SYCP1: variants seen among roughly 807,000 people sequenced by gnomAD.
SYCP1 encodes synaptonemal complex protein 1, also known as cancer/testis antigen 8.
A neutral mutation model predicts 153.1 loss-of-function variants in SYCP1; 64 were observed. That is an observed-to-expected ratio of 0.42 (90% confidence interval 0.34 to 0.51). The LOEUF (loss-of-function observed/expected upper bound fraction) is 0.51. Ranked by LOEUF, SYCP1 falls within the 20% of genes least tolerant of loss-of-function variation. The pLI is 0.06. For missense variants in SYCP1, 997 were observed against 1,049.0 expected (o/e 0.95, Z 0.68); for synonymous variants, 384 against 341.8 (o/e 1.12, Z -1.36).
At chr1:114,979,185 T>G (rs965232879) in intron 28 of SYCP1, among the ~76,000 whole-genome samples, 1 of 151,526 alleles carries the variant, frequency 6.6e-6, no homozygotes, top group Non-Finnish European at 1.5e-5. Flanking sequence ...AACATAAGGC[T>G]TGTTAAATTT....
At chr1:114,860,703 T>A (rs748009605) in intron 7 of SYCP1, 33 bp from the exon 8 acceptor site, 6 of 1,499,204 alleles carry the variant, frequency 4.0e-6, no homozygotes, top group Non-Finnish European at 5.5e-6. Context: ...TGAGATCAGA[T>A]TACACACAGG....
chr1:114,892,684 C>G (rs1666799175), intron 15 of SYCP1, among the ~76,000 whole-genome samples: 1 of 152,052 alleles, frequency 6.6e-6, no homozygotes, highest in Admixed American at 6.6e-5. Context: ...GAGCGGGAGC[C>G]TTTTCCTGGC....
chr1:114,864,529 C>T (rs1056899182), intron 8 of SYCP1, among the ~76,000 whole-genome samples: 4 of 151,956 alleles, frequency 2.6e-5, no homozygotes, highest in African/African-American at 9.7e-5. Flanking sequence ...CACACTGTTG[C>T]CCAGGCTGGA....
chr1:114,909,416 T>G (rs1354773515), intron 16 of SYCP1, among the ~76,000 whole-genome samples: 1 of 151,446 alleles, frequency 6.6e-6, no homozygotes, highest in African/African-American at 2.4e-5. Flanking sequence ...GTTAAAATCC[T>G]TAGGTTATAT....
chr1:114,946,412 C>A, intron 26 of SYCP1, 31 bp downstream of exon 26: 1 of 1,378,802 alleles, frequency 7.3e-7, no homozygotes, highest in East Asian at 2.6e-5. Flanking sequence ...CAGTAACGGC[C>A]AGTTTTCATA....
chr1:114,994,030 A>G (rs1285678692), intron 30 of SYCP1, among the ~76,000 whole-genome samples: 3 of 150,782 alleles, frequency 2.0e-5, no homozygotes, highest in Non-Finnish European at 3.0e-5. Context: ...AGGTTTATCT[A>G]TGTTGTAGCA....
chr1:114,857,173 A>AG, intron 3 of SYCP1, 59 bp from the exon 4 acceptor site: 2 of 1,337,142 alleles, frequency 1.5e-6, no homozygotes, highest in Non-Finnish European at 2.0e-6. Flanking sequence ...AAAAGAAAAA[A>AG]AAAAAGAAAG....
At chr1:114,884,142 A>G (rs1005716169) in intron 12 of SYCP1, among the ~76,000 whole-genome samples, 1 of 152,244 alleles carries the variant, frequency 6.6e-6, no homozygotes, top group Admixed American at 6.5e-5. Context: ...TTCATGAATT[A>G]TGAACCAGAA....
At chr1:114,912,874 A>G (rs1277117739) in intron 18 of SYCP1, among the ~76,000 whole-genome samples, 159 bp from the exon 19 acceptor site, 1 of 152,022 alleles carries the variant, frequency 6.6e-6, no homozygotes, top group African/African-American at 2.4e-5. Context: ...TGATCAACCT[A>G]TCACCCAGCT....
chr1:114,963,698 T>A (rs1671922844), intron 27 of SYCP1, among the ~76,000 whole-genome samples: 1 of 152,234 alleles, frequency 6.6e-6, no homozygotes, highest in African/African-American at 2.4e-5. Flanking sequence ...GTAAAGGACA[T>A]GAACTAATTC....
chr1:114,939,503 T>C (rs1670248341), intron 23 of SYCP1, among the ~76,000 whole-genome samples: 1 of 152,198 alleles, frequency 6.6e-6, no homozygotes, highest in African/African-American at 2.4e-5. Context: ...CATGGATGAA[T>C]CTTGTAATAT....
At chr1:114,961,156 G>T (rs535216907) in intron 27 of SYCP1, among the ~76,000 whole-genome samples, 2 of 152,064 alleles carry the variant, frequency 1.3e-5, no homozygotes, top group African/African-American at 4.8e-5. Flanking sequence ...GTTCATAGTA[G>T]CCTTGATCTT....
chr1:114,934,146 A>C (rs1669823431), intron 23 of SYCP1, among the ~76,000 whole-genome samples: 1 of 152,204 alleles, frequency 6.6e-6, no homozygotes, highest in Non-Finnish European at 1.5e-5. Context: ...AAAAAATGTT[A>C]AGGGCAGCCA....
chr1:114,986,809 G>A (rs1030902709), intron 30 of SYCP1, among the ~76,000 whole-genome samples: 3 of 152,098 alleles, frequency 2.0e-5, no homozygotes, highest in Middle Eastern at 3.4e-3. Context: ...TTATAAGTAT[G>A]CAGTCTTATT....
chr1:114,861,250 CT>C (rs1344803422), intron 8 of SYCP1, among the ~76,000 whole-genome samples: 1 of 152,002 alleles, frequency 6.6e-6, no homozygotes, highest in Non-Finnish European at 1.5e-5. Flanking sequence ...AAGAAAAATT[CT>C]TTTAAAATAT....
chr1:114,944,962 G>A lies in SYCP1; in HGVS notation c.2134G>A (p.Ala712Thr), dbSNP rs573412489. The A allele has an allele frequency of 1.3e-6, 2 of 1,584,200 alleles. No individual in the cohort carries two copies. The highest frequency in any genetic ancestry group is 1.9e-5 in the Admixed American group (1 of 52,912). The change falls in exon 25 of 32, where the codon GCA (alanine) becomes ACA (threonine). Residue 712 changes from alanine (A) to threonine (T), a missense_variant. By Grantham distance (58) the Ala-to-Thr change is moderately conservative. Around this residue, in one of 2 missense-constraint regions of SYCP1, gnomAD observed 712 missense variants for 682.9 expected, o/e 1.04. Coordinates refer to ENST00000369522, the MANE Select transcript of SYCP1 (RefSeq NM_003176.4). ...RCQHKIAEMVALMEKHKHQYD... is the reference protein window; with the variant it reads ...RCQHKIAEMVTLMEKHKHQYD... ...TCAACATAAAATAGCTGAAATGGTA[G>A]CACTTATGGAAAAACATAAGGTAAT...
intron 12 of SYCP1, among the ~76,000 whole-genome samples, chr1:114,881,218 C>G (rs1665904054): frequency 6.6e-6 from 1 of 151,978 alleles, no homozygotes; most frequent in Non-Finnish European, 1.5e-5. Flanking sequence ...TTTGTACAGA[C>G]AATATTTATT....
At chr1:114,905,150 T>G (rs1667733377) in intron 16 of SYCP1, among the ~76,000 whole-genome samples, 1 of 152,184 alleles carries the variant, frequency 6.6e-6, no homozygotes, top group South Asian at 2.1e-4. Flanking sequence ...TTTCTTTTCT[T>G]TTGCTATCTG....
chr1:114,940,239 A>G (rs1409044523), intron 23 of SYCP1, among the ~76,000 whole-genome samples: 1 of 152,090 alleles, frequency 6.6e-6, no homozygotes, highest in South Asian at 2.1e-4. Flanking sequence ...TTGGGATTAC[A>G]GGCGTGTGCC....
Sources: allele counts gnomAD v4.1 joint callset (sites outside exome capture counted in the v4.1 genomes callset), GRCh38; gene constraint gnomAD v4.1.1; regional missense constraint gnomAD v4.1.1; transcripts MANE v1.5; gene names NCBI Gene and HGNC (gene_info 2026-07-23, HGNC 2026-07-21).